AP3B2: variants seen among roughly 807,000 people sequenced by gnomAD.
The protein encoded by AP3B2 is AP-3 complex subunit beta-2.
A neutral mutation model predicts 126.9 loss-of-function variants in AP3B2; 50 were observed. The observed-to-expected ratio is 0.39, with a 90% CI of 0.31 to 0.50. The LOEUF is 0.50. Among genes scored for constraint, AP3B2 ranks in the 20% least tolerant of loss-of-function variants. AP3B2 has a pLI of 0.79. For missense variants in AP3B2, 1,177 were observed against 1,426.4 expected, an observed-to-expected ratio of 0.83 and a Z score of 2.82; for synonymous variants, 541 against 565.0, an observed-to-expected ratio of 0.96 and a Z score of 0.60.
chr15:82,690,703 G>C (rs1198513300), intron 1 of AP3B2, among the ~76,000 whole-genome samples: 1 of 124,838 alleles, frequency 8.0e-6, no homozygotes, highest in African/African-American at 2.8e-5. Flanking sequence ...GCCCAGGCTG[G>C]AGTGCAGTGG....
At chr15:82,691,965 C>T in intron 1 of AP3B2, 1 of 1,430,232 alleles carries the variant, frequency 7.0e-7, no homozygotes, top group African/African-American at 1.4e-5. Context: ...TCCTTCTGCA[C>T]ATCGGCATAA....
intron 1 of AP3B2, among the ~76,000 whole-genome samples, chr15:82,704,224 G>C (rs982386629): frequency 4.6e-5 from 7 of 152,072 alleles, no homozygotes; most frequent in Middle Eastern, 3.2e-3. Context: ...ACCCTAAAAG[G>C]TCAAAAGGCA....
At chr15:82,705,477 A>G (rs569468284) in intron 1 of AP3B2, among the ~76,000 whole-genome samples, 1 of 152,156 alleles carries the variant, frequency 6.6e-6, no homozygotes, top group Admixed American at 6.5e-5. Flanking sequence ...CAACCCCTCC[A>G]CAACCCATCA....
At chr15:82,673,785 TA>T (rs559504244) in intron 14 of AP3B2, among the ~76,000 whole-genome samples, 1 of 152,162 alleles carries the variant, frequency 6.6e-6, no homozygotes, top group Admixed American at 6.6e-5. Flanking sequence ...TTTAGCATAT[TA>T]AAAAAAGTTT....
Position 82,659,518 on chromosome 15 carries a change from G to A in AP3B2, c.*42C>T. 2.5e-6 allele frequency: 4 copies of A among 1,604,630 alleles called. No individual in the cohort carries two copies. The highest frequency in any genetic ancestry group is 3.4e-6 in the Non-Finnish European group (4 of 1,173,464). Reference sequence around the variant, plus strand: ...GAGACTGACAGCCTAGGTGTCATGGGGAGGTATAGATGGGAGCCAAACAGG... The same window carrying A: ...GAGACTGACAGCCTAGGTGTCATGGAGAGGTATAGATGGGAGCCAAACAGG... On this transcript the variant is annotated 3_prime_UTR_variant, in exon 27 of 27. Transcript: ENST00000535359.
chr15:82,670,120 G>A (rs2048131350), intron 14 of AP3B2, among the ~76,000 whole-genome samples: 1 of 136,486 alleles, frequency 7.3e-6, no homozygotes, highest in Non-Finnish European at 1.6e-5. Context: ...TTTGGCGGGG[G>A]GGGACGAAGA....
At chr15:82,705,170 C>T (rs550127967) in intron 1 of AP3B2, among the ~76,000 whole-genome samples, 8 of 152,048 alleles carry the variant, frequency 5.3e-5, no homozygotes, top group African/African-American at 9.7e-5. Context: ...CCCTCCTTGG[C>T]GACTGATCAT....
At position 82,688,817 on chromosome 15, in the gene AP3B2, G is replaced by C. The variant is rs747912746; in HGVS notation, c.279C>G (p.Val93=). 5.0e-6 allele frequency: 8 copies of C among 1,611,988 alleles called. No homozygotes were observed. In the Admixed American group the frequency reaches 1.0e-4, roughly 20 times the overall value. Reference sequence around the variant, plus strand: ...CAGCGTAGCGTACCAGGTACACATAGACAAGCTTCTTCACCTTGGGGAGAG... The same window carrying C: ...CAGCGTAGCGTACCAGGTACACATACACAAGCTTCTTCACCTTGGGGAGAG... ...ACKNIEVKKL[V]YVYLVRYAEE... is the part of the protein sequence containing the mutation. Residue 93 remains valine (V), a synonymous_variant, in exon 4 of 27, where the codon GTC becomes GTG. Transcript: ENST00000535359.
rs1186907391 is a variant in AP3B2 at position 82,689,222 on chromosome 15, C to T, written c.200G>A (p.Arg67Gln). The part of the protein sequence containing the change: ...AMKRIVAMIA[R>Q]GKNASDLFPA... ...AAACAGGTCTGAAGCATTCTTTCCT[C>T]GGGCAATCATCTGGGTGGTGGGGTC... The change falls in exon 3 of 27, where the codon CGA becomes CAA. Residue 67 changes from arginine to glutamine, a missense_variant. By Grantham distance (43) the Arg-to-Gln change is conservative. Coordinates refer to ENST00000535359, the MANE Select transcript of AP3B2 (RefSeq NM_001278512.2). 3.1e-6 allele frequency: 5 copies of T among 1,614,016 alleles called. No homozygotes were observed. Among genetic ancestry groups the T allele is most frequent in the South Asian group, 1.1e-5 (1 of 91,086 alleles).
In AP3B2 at chr15:82,681,170, G is replaced by A. The variant is rs1312228156; in HGVS notation, c.530C>T (p.Ser177Phe). 2 of 1,611,568 alleles carry A rather than the reference G, an allele frequency of 1.2e-6. No individual in the cohort carries two copies. The highest frequency in any genetic ancestry group is 1.7e-6 in the Non-Finnish European group (2 of 1,178,952). ...HAIPKLYSLD[S>F]DQKDQLIEVI... is the part of the protein sequence containing the mutation. ...TTCTATCAGCTGATCCTTCTGGTCA[G>A]AGTCCAAACTGAGGGAGAAATCGGT... is the stretch of plus-strand genomic sequence containing the variant. Residue 177 changes from serine (S) to phenylalanine (F), a missense_variant, in exon 6 of 27, where the codon TCT becomes TTT. Around this residue, in one of 5 missense-constraint regions of AP3B2, gnomAD observed 130 missense variants for 262.0 expected, o/e 0.50. Transcript: ENST00000535359. The surrounding 1 kb of genome is among the most constrained non-coding windows in gnomAD (Gnocchi z 4.0).
In AP3B2 at chr15:82,671,944, T is replaced by A. The variant is rs2048166298; in HGVS notation, c.1665+4517A>T. 4.0e-5 allele frequency among the ~76,000 whole-genome samples: 6 copies of A among 151,636 alleles called. No individual in the cohort carries two copies. In the South Asian group the frequency reaches 1.3e-3, roughly 32 times the overall value. ...CTGTAATCCCAGCTACTCAGGAGGC[T>A]GAGGCAGGAGAATCGTTTGAACCTG... On this transcript the variant is annotated intron_variant, in intron 14 of 26. Transcript: ENST00000535359.
intron 1 of AP3B2, among the ~76,000 whole-genome samples, chr15:82,702,366 A>G (rs997123272): frequency 6.6e-6 from 1 of 152,194 alleles, no homozygotes; most frequent in Admixed American, 6.5e-5. Context: ...TAGTAACCTG[A>G]GTAACATCCT....
chr15:82,681,199 G>A lies in AP3B2; in HGVS notation c.522-21C>T, dbSNP rs2048334444. ...CCAAACTGAGGGAGAAATCGGTGAG[G>A]GGAATTTGCCACTCTCAGCCCCAGC... On this transcript the variant is annotated intron_variant, in intron 5 of 26. Coordinates refer to ENST00000535359, the MANE Select transcript of AP3B2 (RefSeq NM_001278512.2). This position sits in a 1 kb window ranked among gnomAD's most constrained non-coding sequence, Gnocchi z 4.0. 4 of 1,604,124 alleles carry A rather than the reference G, an allele frequency of 2.5e-6. No individual in the cohort carries two copies. Among genetic ancestry groups the A allele is most frequent in the South Asian group, 1.1e-5 (1 of 89,310 alleles).
At chr15:82,690,310 T>C (rs1025026003) in intron 1 of AP3B2, among the ~76,000 whole-genome samples, 1 of 152,172 alleles carries the variant, frequency 6.6e-6, no homozygotes, top group Non-Finnish European at 1.5e-5. Context: ...ACGTGCAGCT[T>C]TGTTACATAT....
chr15:82,685,795 T>C (rs1415101080), intron 4 of AP3B2: 2 of 152,258 alleles, frequency 1.3e-5, no homozygotes, highest in Non-Finnish European at 2.9e-5. Flanking sequence ...ATTTTTTAGG[T>C]AGGCCTTTTG....
At chr15:82,699,628 C>G in intron 1 of AP3B2, 1 of 400,322 alleles carries the variant, frequency 2.5e-6, no homozygotes, top group Middle Eastern at 6.3e-4. Flanking sequence ...GTGGGTTCCT[C>G]TATACCGTAG....
rs1379681648 is a variant in AP3B2 at position 82,664,701 on chromosome 15, C to T, written c.2137+134G>A. The stretch of plus-strand genomic sequence containing the variant: ...AGCACACACACCTGGAACATGAATC[C>T]CTCAGGTGCACAAACAATTCACAAG... On this transcript the variant is annotated intron_variant, in intron 18 of 26. Coordinates refer to ENST00000535359, the MANE Select transcript of AP3B2 (RefSeq NM_001278512.2). This position sits in a 1 kb window ranked among gnomAD's most constrained non-coding sequence, Gnocchi z 4.5. 5.6e-6 allele frequency: 5 copies of T among 893,164 alleles called. No individual in the cohort carries two copies. Among genetic ancestry groups the T allele is most frequent in the South Asian group, 1.7e-5 (1 of 60,074 alleles). The allele number at this position is 893,164 out of a possible 1,614,324, so 55.3% of individuals were successfully genotyped here. A position where few individuals can be genotyped will look rare whatever the true frequency, so the allele number is the denominator to read the frequency against.
At chr15:82,663,091 C>G in intron 22 of AP3B2, 36 bp downstream of exon 22, 1 of 1,560,558 alleles carries the variant, frequency 6.4e-7, no homozygotes, top group Non-Finnish European at 8.7e-7. Context: ...GGATGTGTCC[C>G]TGCCCCAGCC....
intron 11 of AP3B2, 115 bp downstream of exon 11, chr15:82,677,990 A>G: frequency 7.2e-7 from 1 of 1,382,946 alleles, no homozygotes; most frequent in Non-Finnish European, 1.0e-6. Flanking sequence ...TGGAACGGGA[A>G]TGTAAGATAA....
Sources: gnomAD v4.1 joint callset for allele counts (sites outside exome capture counted in the v4.1 genomes callset) on GRCh38, gnomAD v4.1.1 for gene constraint, gnomAD v4.1.1 regional missense constraint, Gnocchi (gnomAD v3.1) non-coding constraint, MANE v1.5 for transcripts, NCBI Gene and HGNC (gene_info 2026-07-23, HGNC 2026-07-21) for gene names.